The following EXOC3L4 variants were observed in gnomAD, a reference collection of about 807,000 sequenced individuals.
EXOC3L4 encodes the protein exocyst complex component 3 like 4.
In EXOC3L4, 62 loss-of-function variants were observed where a neutral mutation model predicts 69.7. That is an observed-to-expected ratio of 0.89 (90% confidence interval 0.72 to 1.10). EXOC3L4 has a LOEUF of 1.10. Ranked by LOEUF, EXOC3L4 falls within the 50% of genes least tolerant of loss-of-function variation. EXOC3L4 has a pLI of 0.00. For synonymous variants in EXOC3L4, 502 were observed against 464.2 expected (o/e 1.08, Z -1.05); for missense variants, 1,087 against 1,034.8 (o/e 1.05, Z -0.69).
chr14:103,100,814 C>T (rs1350445965), intron 2 of EXOC3L4, among the ~76,000 whole-genome samples: 8 of 152,222 alleles, frequency 5.3e-5, no homozygotes, highest in South Asian at 2.1e-4. Flanking sequence ...CAGCTCACTG[C>T]GACCTTGGCC....
chr14:103,108,471 A>T lies in EXOC3L4; in HGVS notation c.1930A>T (p.Ile644Phe), dbSNP rs143373036. 1.9e-5 allele frequency: 30 copies of T among 1,613,960 alleles called. No individual in the cohort carries two copies. In the East Asian group the frequency reaches 6.7e-4, roughly 36 times the overall value. The change falls in exon 11 of 12, where the codon ATC becomes TTC. Residue 644 changes from isoleucine (I) to phenylalanine (F), a missense_variant. Coordinates refer to ENST00000688303, the MANE Select transcript of EXOC3L4 (RefSeq NM_001077594.2). ...CCTGGGCGAGACCTACAAAGATGACATCCAGCGGCACCTGGAGACTCTTAT... is the reference window on the plus strand; with the variant it reads ...CCTGGGCGAGACCTACAAAGATGACTTCCAGCGGCACCTGGAGACTCTTAT... ...EILGETYKDD[I>F]QRHLETLIRS...
rs1005533640 is a variant in EXOC3L4, at chr14:103,100,620, G to C, written c.394+7G>C. ...GAACTGAAACCCGAGGCAGGTAAGG[G>C]CCTCAGAAACAACACGAAGCATGAA... On this transcript the variant is annotated splice_region_variant and intron_variant, in intron 2 of 11. Transcript: ENST00000688303. 2 of 1,596,922 alleles carry C rather than the reference G, an allele frequency of 1.3e-6. No homozygotes were observed. The highest frequency in any genetic ancestry group is 2.7e-5 in the African/African-American group (2 of 74,642).
chr14:103,101,694 G>C (rs1253945978), intron 2 of EXOC3L4, among the ~76,000 whole-genome samples: 1 of 152,200 alleles, frequency 6.6e-6, no homozygotes, highest in Admixed American at 6.5e-5. Context: ...AGCTCTTGTC[G>C]GGTGGAGGCT....
At chr14:103,103,854 C>A in intron 3 of EXOC3L4, 87 bp from the exon 4 acceptor site, 2 of 775,838 alleles carry the variant, frequency 2.6e-6, no homozygotes, top group East Asian at 2.9e-5. Context: ...TCGGGATTGG[C>A]GTTAGACTTT....
chr14:103,100,902 ATTT>A (rs34995113), intron 2 of EXOC3L4, among the ~76,000 whole-genome samples: 3 of 131,430 alleles, frequency 2.3e-5, no homozygotes, highest in African/African-American at 2.9e-5. Context: ...CACCCGGCTA[ATTT>A]TTTTTTTTTT....
Position 103,103,938 on chromosome 14 carries a change from C to A in EXOC3L4, c.1050-3C>A. 6.5e-7 allele frequency: 1 copy of A among 1,539,292 alleles called. No homozygotes were observed. The highest frequency in any genetic ancestry group is 8.7e-7 in the Non-Finnish European group (1 of 1,147,566). ...GCCCCCAGCCCCCTGCCCTGTCTTC[C>A]AGTCCTGACTTCCTGGGCGCCCCGG... On this transcript the variant is annotated splice_region_variant and splice_polypyrimidine_tract_variant and intron_variant, in intron 3 of 11. Coordinates refer to ENST00000688303, the MANE Select transcript of EXOC3L4 (RefSeq NM_001077594.2).
rs745476518 is a variant in EXOC3L4 at position 103,101,590 on chromosome 14, G to A, written c.395-528G>A. Among the ~76,000 whole-genome samples, 5 of 152,206 alleles carry A rather than the reference G, an allele frequency of 3.3e-5. No homozygotes were observed. In the East Asian group the frequency reaches 9.6e-4, roughly 29 times the overall value. The stretch of plus-strand genomic sequence containing the variant: ...ACAGCTGATCACAGGGTTGCAGAGG[G>A]TGCAAGGCTCGCAGAGGTACCAGGA... On this transcript the variant is annotated intron_variant, in intron 2 of 11. Transcript: ENST00000688303.
rs1890871023 is a variant in EXOC3L4, at chr14:103,110,434, G to A, written c.*211G>A. ...AGGCATCGTTGAGGGGAGTGTTTTG[G>A]GGCCGCAGAGCTCTCAATGCTGCCT... On this transcript the variant is annotated 3_prime_UTR_variant, in exon 12 of 12. Transcript: ENST00000688303. 1.4e-6 allele frequency: 1 copy of A among 701,968 alleles called. No individual in the cohort carries two copies. The highest frequency in any genetic ancestry group is 2.6e-6 in the Non-Finnish European group (1 of 391,728). The allele number at this position is 701,968 out of a possible 1,614,324, so 43.5% of individuals were successfully genotyped here.
Position 103,102,587 on chromosome 14 carries a change from C to A in EXOC3L4, c.864C>A (p.Arg288=). 6.8e-7 allele frequency: 1 copy of A among 1,471,502 alleles called. No individual in the cohort carries two copies. The highest frequency in any genetic ancestry group is 2.4e-5 in the Admixed American group (1 of 41,664). The allele number at this position is 1,471,502 out of a possible 1,614,324, so 91.2% of individuals were successfully genotyped here. A position where few individuals can be genotyped will look rare whatever the true frequency, so the allele number is the denominator to read the frequency against. Residue 288 remains arginine, a synonymous_variant, in exon 3 of 12, where the codon CGC becomes CGA. Transcript: ENST00000688303. ...CCGAGCTGGGTGGCTTGGTTCGCCGCGACCTGCAGAAGGTGCGGCAGGAGG... is the reference window on the plus strand; with the variant it reads ...CCGAGCTGGGTGGCTTGGTTCGCCGAGACCTGCAGAAGGTGCGGCAGGAGG... ...LLAELGGLVR[R]DLQKVRQEVQ... is the part of the protein sequence containing the mutation.
At chr14:103,096,354 C>A (rs541108948) in intron 1 of EXOC3L4, among the ~76,000 whole-genome samples, 20 of 146,394 alleles carry the variant, frequency 1.4e-4, no homozygotes, top group African/African-American at 5.0e-4. Context: ...AGCGAGACCT[C>A]GTCTCTAAAA....
At chr14:103,108,930 C>G (rs1890740007) in intron 11 of EXOC3L4, among the ~76,000 whole-genome samples, 1 of 152,026 alleles carries the variant, frequency 6.6e-6, no homozygotes, top group Admixed American at 6.5e-5. Flanking sequence ...CAAGTCCATT[C>G]TTTTGGAGAT....
chr14:103,107,889 C>T (rs1375477242), intron 10 of EXOC3L4, 106 bp downstream of exon 10: 3 of 1,414,968 alleles, frequency 2.1e-6, no homozygotes, highest in Admixed American at 2.8e-5. Flanking sequence ...TGGTTCTCCC[C>T]ACTCTGGATC....
rs1171462640 is a variant in EXOC3L4 at position 103,098,606 on chromosome 14, T to G, written c.-16-1598T>G. Reference sequence around the variant, plus strand: ...GTCCTTCCCCACATCCCCGCCTCCGTCCTCTTGACAGCGGTGGATGCAGCA... The same window carrying G: ...GTCCTTCCCCACATCCCCGCCTCCGGCCTCTTGACAGCGGTGGATGCAGCA... On this transcript the variant is annotated intron_variant, in intron 1 of 11. Transcript: ENST00000688303. 3 of 152,224 alleles carry G rather than the reference T, an allele frequency of 2.0e-5. No individual in the cohort carries two copies. In the East Asian group the frequency reaches 5.8e-4, roughly 29 times the overall value. 9.4% of individuals were successfully genotyped at this position (152,224 alleles called of 1,614,324 possible).
chr14:103,110,333 C>A lies in EXOC3L4; in HGVS notation c.*110C>A. The A allele has an allele frequency of 7.7e-7, 1 of 1,292,672 alleles. No homozygotes were observed. Among genetic ancestry groups the A allele is most frequent in the Non-Finnish European group, 1.1e-6 (1 of 927,138 alleles). 80.1% of individuals were successfully genotyped at this position (1,292,672 alleles called of 1,614,324 possible). ...GGCCCTGCCCCCAACTCTGACACTG[C>A]AGTTAGGGAATTTTTGTCGTCAGCA... On this transcript the variant is annotated 3_prime_UTR_variant, in exon 12 of 12. Coordinates refer to ENST00000688303, the MANE Select transcript of EXOC3L4 (RefSeq NM_001077594.2).
In EXOC3L4 at chr14:103,102,151, G is replaced by A. The variant is rs138887682; in HGVS notation, c.428G>A (p.Arg143Gln). Residue 143 changes from arginine (R) to glutamine (Q), a missense_variant, in exon 3 of 12, where the codon CGG becomes CAG. Arg to Gln is a conservative substitution (Grantham distance 43). Coordinates refer to ENST00000688303, the MANE Select transcript of EXOC3L4 (RefSeq NM_001077594.2). ...TCCGTGGCCGACCTCATTACTGAAC[G>A]GCAACTGCTGGCGGCCTTCGAACAG... ...GKSVADLITE[R>Q]QLLAAFEQLL... is the part of the protein sequence containing the mutation. 1.9e-3 allele frequency: 2,983 copies of A among 1,605,618 alleles called. 6 individuals are homozygous for A. The highest frequency in any genetic ancestry group is 2.3e-3 in the Non-Finnish European group (2,750 of 1,176,672).
rs1310229377 is a variant in EXOC3L4 at position 103,102,454 on chromosome 14, A to C, written c.731A>C (p.His244Pro). Residue 244 changes from histidine (H) to proline (P), a missense_variant, in exon 3 of 12, where the codon CAC becomes CCC. Coordinates refer to ENST00000688303, the MANE Select transcript of EXOC3L4 (RefSeq NM_001077594.2). ...CGCACGCCGCGCCGCTGGCGCCAGC[A>C]CTGGGAGGAGGCGGTGCGGCGAAGC... ...FLRTPRRWRQ[H>P]WEEAVRRSAQ... is the part of the protein sequence containing the mutation. 6.8e-7 allele frequency: 1 copy of C among 1,480,210 alleles called. No individual in the cohort carries two copies. Among genetic ancestry groups the C allele is most frequent in the African/African-American group, 1.5e-5 (1 of 67,808 alleles). 91.7% of individuals were successfully genotyped at this position (1,480,210 alleles called of 1,614,324 possible).
In EXOC3L4 at chr14:103,102,416, C is replaced by CGGCGAAG. The variant is rs1890248670; in HGVS notation, c.698_699insAGGGCGA (p.Asp233GlufsTer122). ...AAGCCCACCCTTCTCCCCCCGACGA[C>CGGCGAAG]GGCGACTTCCTGCGCACGCCGCGCC... On this transcript the variant is annotated frameshift_variant, in exon 3 of 12. Transcript: ENST00000688303. LOFTEE classifies it high-confidence loss of function. The CGGCGAAG allele has an allele frequency of 1.3e-6, 2 of 1,530,422 alleles. No individual in the cohort carries two copies. The highest frequency in any genetic ancestry group is 2.4e-5 in the South Asian group (2 of 83,524). 94.8% of individuals were successfully genotyped at this position (1,530,422 alleles called of 1,614,324 possible).
chr14:103,094,799 G>A lies in EXOC3L4; in HGVS notation c.-58G>A. On this transcript the variant is annotated 5_prime_UTR_variant, in exon 1 of 12. Transcript: ENST00000688303. ...GAGGGCCCCACGGGCCAGCTTCTCAGGGGGCTGTGTTCTTCCTGGGCCAAG... is the reference window on the plus strand; with the variant it reads ...GAGGGCCCCACGGGCCAGCTTCTCAAGGGGCTGTGTTCTTCCTGGGCCAAG... 6.5e-6 allele frequency: 1 copy of A among 152,692 alleles called. No individual in the cohort carries two copies. Among genetic ancestry groups the A allele is most frequent in the Non-Finnish European group, 1.5e-5 (1 of 68,292 alleles). The allele number at this position is 152,692 out of a possible 1,614,324, so 9.5% of individuals were successfully genotyped here. A position where few individuals can be genotyped will look rare whatever the true frequency, so the allele number is the denominator to read the frequency against.
Position 103,100,594 on chromosome 14 carries a change from G to GGAACT in EXOC3L4, c.379_383dup (p.Lys128AsnfsTer2), listed in dbSNP as rs753576502. Reference sequence around the variant, plus strand: ...AGGCATCCACTGGGGCAGCGTCTGAGGAACTGAAACCCGAGGCAGGTAAGG... The same window carrying GGAACT: ...AGGCATCCACTGGGGCAGCGTCTGAGGAACTGAACTGAAACCCGAGGCAGGTAAGG... On this transcript the variant is annotated frameshift_variant, in exon 2 of 12. Coordinates refer to ENST00000688303, the MANE Select transcript of EXOC3L4 (RefSeq NM_001077594.2). LOFTEE classifies it high-confidence loss of function. 1 of 1,604,588 alleles carries GGAACT rather than the reference G, an allele frequency of 6.2e-7. No homozygotes were observed. The highest frequency in any genetic ancestry group is 1.1e-5 in the South Asian group (1 of 90,640).
Sources: gnomAD v4.1 joint callset for allele counts (sites outside exome capture counted in the v4.1 genomes callset) on GRCh38, gnomAD v4.1.1 for gene constraint, MANE v1.5 for transcripts, NCBI Gene and HGNC (gene_info 2026-07-23, HGNC 2026-07-21) for gene names.